The following FAT3 variants were observed in gnomAD, a reference collection of about 807,000 sequenced individuals.
FAT3 encodes protocadherin Fat 3.
A neutral mutation model predicts 310.2 loss-of-function variants in FAT3; 95 were observed. The ratio of observed to expected loss-of-function variants is 0.31; its 90% CI spans 0.26 to 0.36. The LOEUF is 0.36. Among genes scored for constraint, FAT3 ranks in the 10% least tolerant of loss-of-function variants. The pLI is 1.00. For missense variants in FAT3, 5,408 were observed against 5,715.6 expected (o/e 0.95, Z 1.74); for synonymous variants, 2,314 against 2,192.9 (o/e 1.06, Z -1.54).
At chr11:92,419,820 A>G (rs1331826828) in intron 2 of FAT3, among the ~76,000 whole-genome samples, 1 of 152,178 alleles carries the variant, frequency 6.6e-6, no homozygotes, top group Non-Finnish European at 1.5e-5. Flanking sequence ...TTTATCTGCA[A>G]GACTTCCTGC....
At chr11:92,471,173 T>C (rs1466475360) in intron 2 of FAT3, among the ~76,000 whole-genome samples, 1 of 152,198 alleles carries the variant, frequency 6.6e-6, no homozygotes, top group East Asian at 1.9e-4. Flanking sequence ...AGCAATGCTT[T>C]GATAAGTATC....
intron 3 of FAT3, among the ~76,000 whole-genome samples, chr11:92,687,601 T>C (rs1398981783): frequency 1.3e-5 from 2 of 152,226 alleles, no homozygotes; most frequent in Admixed American, 1.3e-4. Context: ...TGTCTACCTC[T>C]CTCACTGGAT....
chr11:92,432,399 C>T (rs1040034657), intron 2 of FAT3, among the ~76,000 whole-genome samples: 10 of 152,120 alleles, frequency 6.6e-5, no homozygotes, highest in Non-Finnish European at 1.0e-4. Flanking sequence ...TGTGCTGAGA[C>T]GATGGAGTTT....
intron 3 of FAT3, among the ~76,000 whole-genome samples, chr11:92,551,902 A>G (rs575811184): frequency 6.2e-4 from 94 of 152,352 alleles, no homozygotes; most frequent in African/African-American, 2.2e-3. Context: ...CTCCAGGCAA[A>G]TAATGTTTTA....
Position 92,891,227 on chromosome 11 carries a change from T to G in FAT3, c.*114T>G. ...GGAATGAGAAGGGAATACTGTATTTTTCCACTAGAAACTTCTTCACAAGTC... is the reference window on the plus strand; with the variant it reads ...GGAATGAGAAGGGAATACTGTATTTGTCCACTAGAAACTTCTTCACAAGTC... On this transcript the variant is annotated 3_prime_UTR_variant, in exon 28 of 28. Transcript: ENST00000525166. The G allele has an allele frequency of 1.5e-6, 2 of 1,366,452 alleles. No homozygotes were observed. Among genetic ancestry groups the G allele is most frequent in the Non-Finnish European group, 9.9e-7 (1 of 1,012,978 alleles). 84.6% of individuals were successfully genotyped at this position (1,366,452 alleles called of 1,614,324 possible).
At chr11:92,541,371 C>T (rs189898931) in intron 3 of FAT3, among the ~76,000 whole-genome samples, 68 of 152,214 alleles carry the variant, frequency 4.5e-4, no homozygotes, top group Non-Finnish European at 1.8e-4. Context: ...GATTCTTATA[C>T]CTTTCTGAAA....
intron 3 of FAT3, among the ~76,000 whole-genome samples, chr11:92,586,672 C>T (rs1939172499): frequency 6.6e-6 from 1 of 151,804 alleles, no homozygotes; most frequent in Admixed American, 6.6e-5. Flanking sequence ...AGCCAAATAC[C>T]CAGAACCAAG....
intron 2 of FAT3, among the ~76,000 whole-genome samples, chr11:92,402,588 C>T (rs1378199791): frequency 1.3e-5 from 2 of 151,536 alleles, no homozygotes; most frequent in Non-Finnish European, 2.9e-5. Context: ...AAAAAATTAG[C>T]TGGACATGAT....
chr11:92,775,200 A>AT (rs1335489156), intron 7 of FAT3, among the ~76,000 whole-genome samples: 1 of 152,104 alleles, frequency 6.6e-6, no homozygotes, highest in Non-Finnish European at 1.5e-5. Flanking sequence ...TGAAGGTGAA[A>AT]TTTTTGCCAA....
Position 92,753,005 on chromosome 11 carries a change from T to C in FAT3, c.3670-8851T>C, listed in dbSNP as rs539348524. ...CCTGGGTTGAGATTTCTCAAATATA[T>C]TTAAGTATTTTTATAAGGATGGCAG... On this transcript the variant is annotated intron_variant, in intron 4 of 27. Coordinates refer to ENST00000525166, the MANE Select transcript of FAT3 (RefSeq NM_001367949.2). Among the ~76,000 whole-genome samples, 131 of 152,310 alleles carry C rather than the reference T, an allele frequency of 8.6e-4. 1 individual carries two copies. The highest frequency in any genetic ancestry group is 2.8e-3 in the African/African-American group (118 of 41,568).
At chr11:92,556,119 T>G (rs906375406) in intron 3 of FAT3, among the ~76,000 whole-genome samples, 5 of 152,242 alleles carry the variant, frequency 3.3e-5, no homozygotes, top group African/African-American at 9.6e-5. Context: ...TTTATGAGTT[T>G]GCTCATAGCC....
At chr11:92,508,126 C>A (rs1953176714) in intron 2 of FAT3, among the ~76,000 whole-genome samples, 1 of 152,032 alleles carries the variant, frequency 6.6e-6, no homozygotes, top group South Asian at 2.1e-4. Context: ...AAAACTAAGA[C>A]CCCAATCTGT....
At chr11:92,765,807 CTT>C (rs753304859) in intron 6 of FAT3, among the ~76,000 whole-genome samples, 1 of 151,016 alleles carries the variant, frequency 6.6e-6, no homozygotes, top group Non-Finnish European at 1.5e-5. Context: ...GTTGTTTTGA[CTT>C]TTATTTCTTT....
chr11:92,269,949 T>C (rs1330261786), intron 1 of FAT3, among the ~76,000 whole-genome samples: 1 of 152,112 alleles, frequency 6.6e-6, no homozygotes, highest in African/African-American at 2.4e-5. Flanking sequence ...TCTTTTTAAA[T>C]GCGTTAAGTT....
chr11:92,891,257 T>A lies in FAT3; in HGVS notation c.*144T>A. 1 of 1,132,544 alleles carries A rather than the reference T, an allele frequency of 8.8e-7. No homozygotes were observed. Among genetic ancestry groups the A allele is most frequent in the Admixed American group, 2.6e-5 (1 of 38,268 alleles). The allele number at this position is 1,132,544 out of a possible 1,614,324, so 70.2% of individuals were successfully genotyped here. A position where few individuals can be genotyped will look rare whatever the true frequency, so the allele number is the denominator to read the frequency against. The stretch of plus-strand genomic sequence containing the variant: ...CTAGAAACTTCTTCACAAGTCATAC[T>A]GTCCCAACAAGCAAGCTTGATTCCA... On this transcript the variant is annotated 3_prime_UTR_variant, in exon 28 of 28. Transcript: ENST00000525166.
At chr11:92,605,623 T>C (rs1940239659) in intron 3 of FAT3, among the ~76,000 whole-genome samples, 1 of 151,148 alleles carries the variant, frequency 6.6e-6, no homozygotes, top group African/African-American at 2.4e-5. Flanking sequence ...GAGGGACAAA[T>C]GGAATAATAA....
In FAT3 at chr11:92,883,530, C is replaced by G; in HGVS notation, c.12937+137C>G. 8.5e-7 allele frequency: 1 copy of G among 1,171,732 alleles called. No individual in the cohort carries two copies. Among genetic ancestry groups the G allele is most frequent in the Non-Finnish European group, 1.2e-6 (1 of 849,546 alleles). The allele number at this position is 1,171,732 out of a possible 1,614,324, so 72.6% of individuals were successfully genotyped here. On this transcript the variant is annotated intron_variant, in intron 24 of 27. Coordinates refer to ENST00000525166, the MANE Select transcript of FAT3 (RefSeq NM_001367949.2). This position sits in a 1 kb window ranked among gnomAD's most constrained non-coding sequence, Gnocchi z 4.2. ...ATGACATGTGCTGATGTCGAATGTG[C>G]ACACCAGCTCTGGAAAATTGTCCTG...
chr11:92,880,597 C>A (rs1315047264), intron 22 of FAT3, 134 bp from the exon 23 acceptor site: 1 of 1,017,924 alleles, frequency 9.8e-7, no homozygotes, highest in Non-Finnish European at 1.4e-6. Context: ...AATCAATTTG[C>A]TAACCACCTT....
intron 2 of FAT3, among the ~76,000 whole-genome samples, chr11:92,511,141 TATC>T (rs1953274761): frequency 6.6e-6 from 1 of 152,204 alleles, no homozygotes. Flanking sequence ...TTGAGGATAT[TATC>T]ATGACTCCAT....
Sources: gnomAD v4.1 joint callset for allele counts (sites outside exome capture counted in the v4.1 genomes callset) on GRCh38, gnomAD v4.1.1 for gene constraint, Gnocchi (gnomAD v3.1) non-coding constraint, MANE v1.5 for transcripts, NCBI Gene and HGNC (gene_info 2026-07-23, HGNC 2026-07-21) for gene names.